The following POPDC1 variants were observed in gnomAD, a reference collection of about 807,000 sequenced individuals.
The protein encoded by POPDC1 is popeye domain cAMP effector 1, also known as popeye domain-containing protein 1.
At chr6:105,133,372 A>G in the POPDC1 span, 1 of 1,613,290 alleles carries the variant, frequency 6.2e-7, no homozygotes, top group African/African-American at 1.3e-5. Flanking sequence ...CATTCCCCTA[A>G]GAAATATCAT....
chr6:105,105,129 A>G, the POPDC1 span, among the ~76,000 whole-genome samples: 1 of 152,200 alleles, frequency 6.6e-6, no homozygotes, highest in Non-Finnish European at 1.5e-5. Context: ...TTTTTCTGCA[A>G]AAGTTCTTGA....
At chr6:105,097,638 CTCTGTCT>C in the POPDC1 span, 2 of 152,280 alleles carry the variant, frequency 1.3e-5, no homozygotes, top group Non-Finnish European at 2.9e-5. Flanking sequence ...AACCAAGTGA[CTCTGTCT>C]TTGGGGCCGT....
At chr6:105,117,402 G>A in the POPDC1 span, among the ~76,000 whole-genome samples, 1 of 152,160 alleles carries the variant, frequency 6.6e-6, no homozygotes. Flanking sequence ...TCTGTCATAG[G>A]TGTTTCTCGA....
At chr6:105,126,207 C>G in the POPDC1 span, among the ~76,000 whole-genome samples, 1 of 140,830 alleles carries the variant, frequency 7.1e-6, no homozygotes, top group African/African-American at 2.7e-5. Flanking sequence ...GCTTGGGCAA[C>G]AAGAGCGAAA....
At chr6:105,116,145 G>C in the POPDC1 span, among the ~76,000 whole-genome samples, 2 of 152,126 alleles carry the variant, frequency 1.3e-5, no homozygotes, top group African/African-American at 2.4e-5. Context: ...TTGTCACTGG[G>C]TAACAGTACT....
the POPDC1 span, chr6:105,097,583 T>C: frequency 3.9e-5 from 6 of 152,336 alleles, no homozygotes; most frequent in Middle Eastern, 3.4e-3. Flanking sequence ...GTGTAGCTTA[T>C]ACCAGCTTTC....
At chr6:105,133,905 T>A in the POPDC1 span, among the ~76,000 whole-genome samples, 1 of 151,708 alleles carries the variant, frequency 6.6e-6, no homozygotes, top group African/African-American at 2.4e-5. Flanking sequence ...AAGGGAGGAG[T>A]GAGGGAATTA....
chr6:105,122,445 G>A, the POPDC1 span, among the ~76,000 whole-genome samples: 8 of 152,174 alleles, frequency 5.3e-5, no homozygotes, highest in Non-Finnish European at 8.8e-5. Context: ...GCTAGTGGTA[G>A]GAATTCCTTT....
chr6:105,134,153 A>C, the POPDC1 span, among the ~76,000 whole-genome samples: 1 of 152,156 alleles, frequency 6.6e-6, no homozygotes, highest in Admixed American at 6.5e-5. Context: ...TACATAATAC[A>C]TTATCATATA....
chr6:105,122,618 C>A, the POPDC1 span, among the ~76,000 whole-genome samples: 826 of 152,280 alleles, frequency 5.4e-3, 7 homozygotes, highest in African/African-American at 0.019. Flanking sequence ...AGTTATCACA[C>A]AAAACCACCT....
At chr6:105,103,243 A>T in the POPDC1 span, among the ~76,000 whole-genome samples, 3 of 152,238 alleles carry the variant, frequency 2.0e-5, no homozygotes, top group Non-Finnish European at 4.4e-5. Flanking sequence ...ATATTTGTAA[A>T]GTTATTAGAT....
the POPDC1 span, chr6:105,101,184 C>T: frequency 6.2e-7 from 1 of 1,613,064 alleles, no homozygotes; most frequent in Non-Finnish European, 8.5e-7. Flanking sequence ...TTCATCTTGG[C>T]AGAGGCTCGC....
the POPDC1 span, among the ~76,000 whole-genome samples, chr6:105,132,079 C>T: frequency 7.2e-5 from 11 of 151,846 alleles, no homozygotes; most frequent in African/African-American, 2.7e-4. Flanking sequence ...AATTCTCCTG[C>T]CTCAGCCTCC....
At chr6:105,101,224 A>G in the POPDC1 span, 1 of 1,600,982 alleles carries the variant, frequency 6.2e-7, no homozygotes, top group Non-Finnish European at 8.5e-7. Context: ...CTGTGGAAAG[A>G]TACAGGAGGG....
chr6:105,113,634 C>G, the POPDC1 span, among the ~76,000 whole-genome samples: 1 of 152,064 alleles, frequency 6.6e-6, no homozygotes, highest in Non-Finnish European at 1.5e-5. Context: ...TGGCTGAGCC[C>G]CAAGAGTAGG....
the POPDC1 span, chr6:105,115,552 T>G: frequency 8.8e-7 from 1 of 1,142,652 alleles, no homozygotes; most frequent in Non-Finnish European, 1.2e-6. Flanking sequence ...AATTTGATTG[T>G]TTTTATTGTT....
the POPDC1 span, chr6:105,136,687 G>A: frequency 6.6e-6 from 1 of 152,278 alleles, no homozygotes. Context: ...GGCGGCCGCT[G>A]ACCGTTGAGG....
At chr6:105,101,305 A>G in the POPDC1 span, 1 of 1,336,386 alleles carries the variant, frequency 7.5e-7, no homozygotes, top group Non-Finnish European at 9.9e-7. Flanking sequence ...ACTGGAAAAT[A>G]AAACTGTAGG....
At chr6:105,115,862 T>C in the POPDC1 span, 4 of 1,609,380 alleles carry the variant, frequency 2.5e-6, no homozygotes, top group African/African-American at 2.7e-5. Flanking sequence ...CTGAGAATTA[T>C]GGGAGTTGAA....
Sources: gnomAD v4.1 joint callset for allele counts (sites outside exome capture counted in the v4.1 genomes callset) on GRCh38, gnomAD v4.1.1 for gene constraint, MANE v1.5 for transcripts, NCBI Gene and HGNC (gene_info 2026-07-23, HGNC 2026-07-21) for gene names.